The following SNX6 variants were observed in gnomAD, a reference collection of about 807,000 sequenced individuals.
SNX6 encodes the protein sorting nexin-6.
A neutral mutation model predicts 63.0 loss-of-function variants in SNX6; 34 were observed. The ratio of observed to expected loss-of-function variants is 0.54; its 90% CI spans 0.41 to 0.72. The LOEUF (loss-of-function observed/expected upper bound fraction) is 0.72, where lower values mean the gene tolerates loss of function less well. Ranked by LOEUF, SNX6 falls within the 30% of genes least tolerant of loss-of-function variation. The pLI is 0.00. For missense variants in SNX6, 398 were observed against 471.4 expected (o/e 0.84, Z 1.44); for synonymous variants, 170 against 164.2 (o/e 1.04, Z -0.27).
intron 2 of SNX6, among the ~76,000 whole-genome samples, chr14:34,626,592 C>T (rs543751579): frequency 5.6e-4 from 84 of 149,252 alleles, no homozygotes; most frequent in South Asian, 2.1e-4. Context: ...TAGCATGAAC[C>T]CAGGAGGCAG....
At chr14:34,609,785 TATA>T (rs1234714010) in intron 2 of SNX6, 43 bp from the exon 3 acceptor site, 30 of 1,331,302 alleles carry the variant, frequency 2.3e-5, no homozygotes, top group Non-Finnish European at 3.0e-5. Flanking sequence ...TCATGTTTTA[TATA>T]ATTTCATTTT....
At chr14:34,586,409 A>T in intron 8 of SNX6, 104 bp from the exon 9 acceptor site, 1 of 634,332 alleles carries the variant, frequency 1.6e-6, no homozygotes, top group Non-Finnish European at 2.7e-6. Context: ...CACTCTAGTA[A>T]AGAAAATAAC....
chr14:34,600,830 G>A (rs1882781981), intron 6 of SNX6, among the ~76,000 whole-genome samples: 1 of 152,074 alleles, frequency 6.6e-6, no homozygotes, highest in African/African-American at 2.4e-5. Flanking sequence ...CTGAGGTCAG[G>A]AGTTCGAGAC....
intron 2 of SNX6, among the ~76,000 whole-genome samples, chr14:34,628,710 T>A (rs1343492038): frequency 2.0e-5 from 3 of 152,170 alleles, no homozygotes; most frequent in Non-Finnish European, 2.9e-5. Context: ...CAAACAGCAA[T>A]AACATCCCAC....
chr14:34,596,198 A>T (rs7144882), intron 7 of SNX6, among the ~76,000 whole-genome samples: 129,109 of 150,644 alleles, frequency 0.86, 55,452 homozygotes, highest in Non-Finnish European at 0.88. Flanking sequence ...GCCTGGGCGA[A>T]AGAGTGAGAT....
intron 13 of SNX6, among the ~76,000 whole-genome samples, chr14:34,564,361 C>T (rs535977397): frequency 6.6e-6 from 1 of 152,192 alleles, no homozygotes; most frequent in South Asian, 2.1e-4. Flanking sequence ...ATCCTTGGCC[C>T]ACCATGTACT....
chr14:34,617,233 C>T (rs1883450607), intron 2 of SNX6, among the ~76,000 whole-genome samples: 1 of 152,084 alleles, frequency 6.6e-6, no homozygotes, highest in South Asian at 2.1e-4. Context: ...ATGTGTGTCG[C>T]TGGTCAAGAG....
intron 5 of SNX6, 62 bp downstream of exon 5, chr14:34,605,534 C>T (rs1194430634): frequency 7.2e-7 from 1 of 1,386,942 alleles, no homozygotes; most frequent in Non-Finnish European, 9.6e-7. Flanking sequence ...TTAAAGCAAG[C>T]ACAATTAACA....
intron 2 of SNX6, among the ~76,000 whole-genome samples, chr14:34,629,215 G>GT (rs1883943858): frequency 6.6e-6 from 1 of 151,958 alleles, no homozygotes; most frequent in South Asian, 2.1e-4. Context: ...ATGTATTCGT[G>GT]TATTAAAATA....
intron 2 of SNX6, among the ~76,000 whole-genome samples, chr14:34,626,831 T>G (rs113569398): frequency 0.01 from 1,534 of 152,286 alleles, 31 homozygotes; most frequent in African/African-American, 0.035. Context: ...TGAACATTAT[T>G]AAGATCCTCC....
intron 7 of SNX6, among the ~76,000 whole-genome samples, chr14:34,594,808 G>C (rs1882535187): frequency 6.6e-6 from 1 of 152,122 alleles, no homozygotes; most frequent in Non-Finnish European, 1.5e-5. Context: ...ACTGAAATCT[G>C]TAATTCAGCT....
intron 6 of SNX6, 26 bp downstream of exon 6, chr14:34,603,322 T>A: frequency 6.4e-7 from 1 of 1,567,228 alleles, no homozygotes. Flanking sequence ...AAAGAAAACT[T>A]GACCACCAAT....
At chr14:34,607,436 G>A (rs1027348344) in intron 4 of SNX6, among the ~76,000 whole-genome samples, 10 of 151,770 alleles carry the variant, frequency 6.6e-5, no homozygotes, top group Non-Finnish European at 1.3e-4. Context: ...GCGAAATCCC[G>A]TCTCTACTTA....
intron 2 of SNX6, among the ~76,000 whole-genome samples, chr14:34,616,299 A>AT (rs199546769): frequency 5.3e-5 from 8 of 151,386 alleles, no homozygotes; most frequent in East Asian, 1.9e-4. Context: ...AACTAGCAAC[A>AT]TTTTTTTTTC....
At chr14:34,603,998 A>G (rs1260378575) in intron 5 of SNX6, 3 of 568,986 alleles carry the variant, frequency 5.3e-6, no homozygotes, top group African/African-American at 2.0e-5. Context: ...TGTTTAAAAT[A>G]TTTTAATACC....
At chr14:34,572,411 T>C (rs1456195055) in intron 11 of SNX6, among the ~76,000 whole-genome samples, 1 of 152,092 alleles carries the variant, frequency 6.6e-6, no homozygotes, top group African/African-American at 2.4e-5. Flanking sequence ...AACAACCACA[T>C]TTGATAATTT....
At chr14:34,622,258 G>A (rs34612921) in intron 2 of SNX6, among the ~76,000 whole-genome samples, 33,568 of 146,512 alleles carry the variant, frequency 0.23, 4,139 homozygotes, top group African/African-American at 0.3. Context: ...CACTGCACCC[G>A]GCCTGGGCAT....
chr14:34,629,912 G>A lies in SNX6; in HGVS notation c.49C>T (p.Arg17Cys). 6.4e-7 allele frequency: 1 copy of A among 1,556,366 alleles called. No homozygotes were observed. Residue 17 changes from arginine (R) to cysteine (C), a missense_variant, in exon 2 of 14, where the codon CGC becomes TGC. Transcript: ENST00000362031. ...GAAAGGAAGGCAGAACTTACTCCGC[G>A]GTCCTCTTCTGAGAGGAAGTCCGGG... ...DGPDFLSEED[R>C]GLKAINVDLQ...
rs1213338073 is a variant in SNX6, at chr14:34,629,691, A to C, written c.54+216T>G. On this transcript the variant is annotated intron_variant, in intron 2 of 13. Coordinates refer to ENST00000362031, the MANE Select transcript of SNX6 (RefSeq NM_152233.4). ...AAGGCCCGAACAGCGGCGGGGGACA[A>C]GAAAGCGGCCGCGGGTCCCCGGGAA... 5.1e-6 allele frequency: 4 copies of C among 791,730 alleles called. No individual in the cohort carries two copies. In the African/African-American group the frequency reaches 5.1e-5, roughly 10 times the overall value. 49.0% of individuals were successfully genotyped at this position (791,730 alleles called of 1,614,324 possible).
Sources: gnomAD v4.1 joint callset for allele counts (sites outside exome capture counted in the v4.1 genomes callset) on GRCh38, gnomAD v4.1.1 for gene constraint, MANE v1.5 for transcripts, NCBI Gene and HGNC (gene_info 2026-07-23, HGNC 2026-07-21) for gene names.